TTC29: variants seen among roughly 807,000 people sequenced by gnomAD.
TTC29 encodes the protein tetratricopeptide repeat protein 29.
In TTC29, 49 loss-of-function variants were observed where a neutral mutation model predicts 58.1. The observed-to-expected ratio is 0.84, with a 90% confidence interval of 0.67 to 1.07. The LOEUF (loss-of-function observed/expected upper bound fraction) is 1.07. TTC29 is among the 50% of genes least tolerant of loss of function. The pLI is 0.00. For missense variants in TTC29, 582 were observed against 555.6 expected (o/e 1.05, Z -0.48); for synonymous variants, 209 against 196.8 (o/e 1.06, Z -0.52).
chr4:146,708,793 T>C, intron 11 of TTC29, among the ~76,000 whole-genome samples: 1 of 152,078 alleles, frequency 6.6e-6, no homozygotes, highest in East Asian at 1.9e-4. Flanking sequence ...CAAAATGTCC[T>C]ATATCCTTAC....
Position 146,708,308 on chromosome 4 carries a change from TTATATATATATATATATATATATATA to T in TTC29, c.1331-783_1331-758del, listed in dbSNP as rs59963230. Reference sequence around the variant, plus strand: ...AATAATGAAGTCAAATATGGGAAGTTTATATATATATATATATATATATATATATATATATATATATATATATACAC... The same window carrying T: ...AATAATGAAGTCAAATATGGGAAGTTTATATATATATATATATATATACAC... On this transcript the variant is annotated intron_variant, in intron 11 of 12. Transcript: ENST00000325106. Among the ~76,000 whole-genome samples, 118 of 62,198 alleles carry T rather than the reference TTATATATATATATATATATATATATA, an allele frequency of 1.9e-3. 2 individuals carry two copies. Among genetic ancestry groups the T allele is most frequent in the African/African-American group, 8.2e-3 (88 of 10,772 alleles). The allele number at this position is 62,198 out of a possible 152,430, so 40.8% of individuals were successfully genotyped here. A position where few individuals can be genotyped will look rare whatever the true frequency, so the allele number is the denominator to read the frequency against.
At chr4:146,755,804 A>T (rs1027906064) in intron 11 of TTC29, among the ~76,000 whole-genome samples, 1 of 152,134 alleles carries the variant, frequency 6.6e-6, no homozygotes, top group African/African-American at 2.4e-5. Context: ...ACAAATCCAA[A>T]GGTTGCACAA....
At chr4:146,768,807 GT>G (rs1747512781) in intron 11 of TTC29, among the ~76,000 whole-genome samples, 1 of 151,992 alleles carries the variant, frequency 6.6e-6, no homozygotes, top group Admixed American at 6.6e-5. Flanking sequence ...ATGGTTCAAA[GT>G]CTATTTTTAA....
intron 11 of TTC29, among the ~76,000 whole-genome samples, chr4:146,738,664 G>A (rs1056982149): frequency 6.6e-6 from 1 of 152,068 alleles, no homozygotes; most frequent in Non-Finnish European, 1.5e-5. Flanking sequence ...TCAGGGGTAG[G>A]CTTCAGGAAA....
At chr4:146,905,362 G>A (rs974504444) in intron 5 of TTC29, among the ~76,000 whole-genome samples, 46 of 148,526 alleles carry the variant, frequency 3.1e-4, no homozygotes, top group African/African-American at 8.1e-4. Flanking sequence ...ATGTAGTCCC[G>A]AAACAATTTT....
chr4:146,778,781 A>G (rs546599847), intron 11 of TTC29, among the ~76,000 whole-genome samples: 46 of 152,138 alleles, frequency 3.0e-4, no homozygotes, highest in African/African-American at 1.1e-3. Flanking sequence ...AACAACAGGT[A>G]TACATGGACA....
At chr4:146,811,644 TG>T (rs1309064678) in intron 10 of TTC29, among the ~76,000 whole-genome samples, 1 of 152,152 alleles carries the variant, frequency 6.6e-6, no homozygotes, top group African/African-American at 2.4e-5. Context: ...ATGAAGGAAA[TG>T]AACATAAAAA....
chr4:146,923,027 G>C (rs1734694768), intron 4 of TTC29, among the ~76,000 whole-genome samples: 1 of 151,628 alleles, frequency 6.6e-6, no homozygotes, highest in African/African-American at 2.4e-5. Flanking sequence ...TCAATACTAA[G>C]AAATTCCCAT....
intron 4 of TTC29, among the ~76,000 whole-genome samples, chr4:146,929,876 T>C (rs1362361066): frequency 6.6e-6 from 1 of 151,960 alleles, no homozygotes; most frequent in African/African-American, 2.4e-5. Flanking sequence ...TGACTTAACA[T>C]GCTTACACTT....
chr4:146,798,080 T>A (rs1219527409), intron 11 of TTC29, among the ~76,000 whole-genome samples: 4 of 152,212 alleles, frequency 2.6e-5, no homozygotes, highest in African/African-American at 9.6e-5. Context: ...ATTCAATTTA[T>A]TTTTCATCTT....
chr4:146,810,595 T>A (rs2150127811), intron 10 of TTC29, among the ~76,000 whole-genome samples: 1 of 128,846 alleles, frequency 7.8e-6, no homozygotes, highest in South Asian at 2.5e-4. Context: ...CTTCTTTTTT[T>A]TTTTTTTTTT....
At chr4:146,851,102 C>G (rs1161754431) in intron 8 of TTC29, among the ~76,000 whole-genome samples, 1 of 152,142 alleles carries the variant, frequency 6.6e-6, no homozygotes, top group African/African-American at 2.4e-5. Context: ...TAGCATAATC[C>G]TTGCACCAAC....
At chr4:146,806,233 A>G (rs899226807) in intron 10 of TTC29, among the ~76,000 whole-genome samples, 1 of 152,222 alleles carries the variant, frequency 6.6e-6, no homozygotes, top group African/African-American at 2.4e-5. Flanking sequence ...TCCTGAAGGA[A>G]ACACTAAATA....
chr4:146,772,475 T>C (rs1408717208), intron 11 of TTC29, among the ~76,000 whole-genome samples: 1 of 152,132 alleles, frequency 6.6e-6, no homozygotes, highest in Non-Finnish European at 1.5e-5. Flanking sequence ...CCAGAACCAT[T>C]TAGTGAACAG....
intron 3 of TTC29, among the ~76,000 whole-genome samples, chr4:146,938,954 A>G (rs868025314): frequency 6.6e-6 from 1 of 152,234 alleles, no homozygotes; most frequent in Admixed American, 6.5e-5. Flanking sequence ...GACAAAATGT[A>G]TCAATTTCTC....
intron 9 of TTC29, among the ~76,000 whole-genome samples, chr4:146,826,298 G>T (rs1727793558): frequency 6.6e-6 from 1 of 152,126 alleles, no homozygotes; most frequent in African/African-American, 2.4e-5. Context: ...CACCAGGAAA[G>T]GCCTGGTGGT....
intron 11 of TTC29, among the ~76,000 whole-genome samples, chr4:146,724,903 T>C (rs1743657036): frequency 6.6e-6 from 1 of 152,226 alleles, no homozygotes; most frequent in Admixed American, 6.5e-5. Context: ...ACTTCAGCTA[T>C]ACGACTTATC....
intron 4 of TTC29, among the ~76,000 whole-genome samples, chr4:146,935,125 A>C (rs2150325796): frequency 6.6e-6 from 1 of 152,188 alleles, no homozygotes; most frequent in South Asian, 2.1e-4. Context: ...CAGGAGGTTA[A>C]GTCTTGGGAG....
At chr4:146,943,214 C>T (rs992357052) in intron 2 of TTC29, among the ~76,000 whole-genome samples, 1 of 111,554 alleles carries the variant, frequency 9.0e-6, no homozygotes, top group Non-Finnish European at 1.7e-5. Flanking sequence ...TCTGAGTCAA[C>T]GTTTCCTACC....
Sources: allele counts gnomAD v4.1 joint callset (sites outside exome capture counted in the v4.1 genomes callset), GRCh38; gene constraint gnomAD v4.1.1; transcripts MANE v1.5; gene names NCBI Gene and HGNC (gene_info 2026-07-23, HGNC 2026-07-21).